Variants in USH2A observed in about 807,000 individuals in gnomAD.
The protein encoded by USH2A is Usher syndrome 2A (autosomal recessive, mild).
Under a neutral mutation model 538.9 loss-of-function variants are expected in USH2A, and 443 were observed. The observed-to-expected ratio is 0.82, with a 90% CI of 0.76 to 0.89. The LOEUF is 0.89. USH2A is among the 40% of genes least tolerant of loss of function. USH2A has a pLI of 0.00. For synonymous variants in USH2A, 2,413 were observed against 2,273.5 expected (o/e 1.06, Z -1.75); for missense variants, 6,633 against 6,324.8 (o/e 1.05, Z -1.65).
At chr1:216,310,564 C>CAA (rs1211916931) in intron 9 of USH2A, among the ~76,000 whole-genome samples, 1 of 151,972 alleles carries the variant, frequency 6.6e-6, no homozygotes, top group Non-Finnish European at 1.5e-5. Flanking sequence ...CATATATTTT[C>CAA]AAATATTCTG....
chr1:215,767,815 G>A (rs537023839), intron 55 of USH2A, among the ~76,000 whole-genome samples: 1 of 152,092 alleles, frequency 6.6e-6, no homozygotes, highest in Non-Finnish European at 1.5e-5. Flanking sequence ...CAACTTTAAA[G>A]CTCAGCAGCA....
chr1:216,074,081 A>G (rs1435337611), intron 27 of USH2A, among the ~76,000 whole-genome samples: 5 of 152,274 alleles, frequency 3.3e-5, no homozygotes, highest in Non-Finnish European at 5.9e-5. Context: ...CCCACTGCGC[A>G]GTACCATTCT....
Position 216,202,535 on chromosome 1 carries a change from G to A in USH2A, c.3317-2414C>T, listed in dbSNP as rs151158733. ...AAGGTAGTTGCTCTCCTTGGTTGGG[G>A]TACGGATCTTTAACACTGAATTTGA... On this transcript the variant is annotated intron_variant, in intron 16 of 71. Coordinates refer to ENST00000307340, the MANE Select transcript of USH2A (RefSeq NM_206933.4). Among the ~76,000 whole-genome samples the A allele has an allele frequency of 9.9e-4, 150 of 152,264 alleles. 2 individuals are homozygous for A. The East Asian group carries it at 0.025, about 25-fold the overall frequency.
intron 44 of USH2A, among the ~76,000 whole-genome samples, chr1:215,864,825 A>C (rs1247036594): frequency 1.3e-5 from 2 of 152,134 alleles, no homozygotes; most frequent in Admixed American, 1.3e-4. Context: ...CTGGCCCTTC[A>C]AAAGTTTTTA....
intron 21 of USH2A, among the ~76,000 whole-genome samples, chr1:216,107,930 G>A (rs1281045884): frequency 6.6e-6 from 1 of 151,616 alleles, no homozygotes; most frequent in East Asian, 1.9e-4. Flanking sequence ...ATTTACCATT[G>A]TCCAATTATT....
chr1:216,014,082 A>G (rs1284248132), intron 32 of USH2A, among the ~76,000 whole-genome samples: 1 of 59,412 alleles, frequency 1.7e-5, no homozygotes, highest in Non-Finnish European at 4.2e-5. Flanking sequence ...TAAAGCATGA[A>G]AAAAGAGAGA....
chr1:216,068,669 G>T (rs2031459054), intron 30 of USH2A, among the ~76,000 whole-genome samples: 1 of 152,114 alleles, frequency 6.6e-6, no homozygotes, highest in African/African-American at 2.4e-5. Flanking sequence ...CAGAGGACTT[G>T]TGAAGATTTC....
chr1:215,803,199 A>G (rs929124331), intron 49 of USH2A, among the ~76,000 whole-genome samples: 1 of 152,198 alleles, frequency 6.6e-6, no homozygotes, highest in African/African-American at 2.4e-5. Flanking sequence ...AAAAACTGGA[A>G]GCATTCCCTT....
chr1:216,036,754 C>A (rs2029998653), intron 32 of USH2A, among the ~76,000 whole-genome samples: 1 of 152,020 alleles, frequency 6.6e-6, no homozygotes, highest in African/African-American at 2.4e-5. Flanking sequence ...TTTCCAATGG[C>A]TTTCTGGAAG....
At chr1:215,889,212 T>G (rs1665146252) in intron 40 of USH2A, among the ~76,000 whole-genome samples, 158 bp from the exon 41 acceptor site, 1 of 152,204 alleles carries the variant, frequency 6.6e-6, no homozygotes, top group South Asian at 2.1e-4. Context: ...ACAAGGACTG[T>G]GATTGCTTTG....
At chr1:215,919,810 A>AT (rs1384048204) in intron 38 of USH2A, among the ~76,000 whole-genome samples, 2 of 151,964 alleles carry the variant, frequency 1.3e-5, no homozygotes, top group Admixed American at 6.6e-5. Flanking sequence ...TTTAGGTTTA[A>AT]TTTTTTCTGA....
At chr1:216,211,758 CA>C (rs1334267060) in intron 15 of USH2A, among the ~76,000 whole-genome samples, 1 of 152,070 alleles carries the variant, frequency 6.6e-6, no homozygotes, top group Non-Finnish European at 1.5e-5. Flanking sequence ...TTCCGAATAA[CA>C]CCTTACATTT....
In USH2A at chr1:216,092,426, T is replaced by C. The variant is rs777348185; in HGVS notation, c.4759-3287A>G. On this transcript the variant is annotated intron_variant, in intron 22 of 71. Transcript: ENST00000307340. ...CTGACTTAAAGTGGTACCCAAAGTA[T>C]TTAAAATATAAATAAATGTAATGCC... Among the ~76,000 whole-genome samples, 7 of 152,338 alleles carry C rather than the reference T, an allele frequency of 4.6e-5. No individual in the cohort carries two copies. In the South Asian group the frequency reaches 1.4e-3, roughly 32 times the overall value.
At chr1:216,339,565 T>G (rs191683090) in intron 4 of USH2A, among the ~76,000 whole-genome samples, 1 of 151,652 alleles carries the variant, frequency 6.6e-6, no homozygotes, top group Non-Finnish European at 1.5e-5. Context: ...CCTGGAAAAA[T>G]CACTGATATT....
intron 21 of USH2A, among the ~76,000 whole-genome samples, chr1:216,118,214 C>T (rs143952734): frequency 1.6e-4 from 24 of 152,158 alleles, no homozygotes; most frequent in African/African-American, 4.8e-4. Flanking sequence ...AACTATTTGG[C>T]CCTATATAAG....
rs567437816 is a variant in USH2A at position 216,088,995 on chromosome 1, A to G, written c.4885+18T>C. The G allele has an allele frequency of 4.3e-6, 7 of 1,613,048 alleles. No individual in the cohort carries two copies. The South Asian group carries it at 6.6e-5, about 15-fold the overall frequency. ...AACATATCAACAGGGCTATTTATACATATCAAAAAGTACTTACCTGTATAT... is the reference window on the plus strand; with the variant it reads ...AACATATCAACAGGGCTATTTATACGTATCAAAAAGTACTTACCTGTATAT... On this transcript the variant is annotated intron_variant, in intron 23 of 71. Transcript: ENST00000307340.
In USH2A at chr1:216,324,081, G is replaced by A. The variant is rs1285885221; in HGVS notation, c.1328+87C>T. 2.6e-5 allele frequency: 37 copies of A among 1,418,696 alleles called. No homozygotes were observed. The Admixed American group carries it at 7.6e-4, about 29-fold the overall frequency. 87.9% of individuals were successfully genotyped at this position (1,418,696 alleles called of 1,614,324 possible). On this transcript the variant is annotated intron_variant, in intron 7 of 71. Coordinates refer to ENST00000307340, the MANE Select transcript of USH2A (RefSeq NM_206933.4). ...TCAAGGAAGTTGGTGGTGAAGGGAA[G>A]TCTCCACCAGCCTAGAGAGCTAGCA...
At chr1:215,647,782 ACT>A (rs1558036644) in intron 66 of USH2A, 52 bp from the exon 67 acceptor site, 1 of 1,595,454 alleles carries the variant, frequency 6.3e-7, no homozygotes, top group Non-Finnish European at 8.6e-7. Context: ...AATTAGTTTA[ACT>A]CTCTCTTTTA....
At chr1:216,090,004 TTAAA>T (rs1207039227) in intron 22 of USH2A, among the ~76,000 whole-genome samples, 1 of 151,960 alleles carries the variant, frequency 6.6e-6, no homozygotes, top group East Asian at 1.9e-4. Flanking sequence ...AGTACTACTA[TTAAA>T]TAAAAATAAA....
Sources: gnomAD v4.1 joint callset for allele counts (sites outside exome capture counted in the v4.1 genomes callset) on GRCh38, gnomAD v4.1.1 for gene constraint, MANE v1.5 for transcripts, NCBI Gene and HGNC (gene_info 2026-07-23, HGNC 2026-07-21) for gene names.